Variants in STRBP observed in about 807,000 individuals in gnomAD.
STRBP encodes the protein spermatid perinuclear RNA-binding protein.
STRBP carries 13 observed loss-of-function variants against 80.1 expected under a neutral mutation model. The observed-to-expected ratio is 0.16, with a 90% CI of 0.11 to 0.26. The LOEUF (loss-of-function observed/expected upper bound fraction) is 0.26. Among genes scored for constraint, STRBP ranks in the 10% least tolerant of loss-of-function variants. The probability of loss-of-function intolerance (pLI) is 1.00; values close to 1 mark genes in which losing one functional copy is unlikely to be tolerated. For synonymous variants in STRBP, 284 were observed against 291.2 expected, an observed-to-expected ratio of 0.98 and a Z score of 0.25; for missense variants, 485 against 815.2, an observed-to-expected ratio of 0.59 and a Z score of 4.93.
intron 2 of STRBP, among the ~76,000 whole-genome samples, chr9:123,190,885 T>C (rs757155383): frequency 1.3e-5 from 2 of 152,312 alleles, no homozygotes; most frequent in Middle Eastern, 3.4e-3. Context: ...TGGTGCCTTA[T>C]GTGACAAAAC....
chr9:123,161,120 C>A (rs776837078), intron 6 of STRBP, 52 bp from the exon 7 acceptor site: 2 of 1,259,856 alleles, frequency 1.6e-6, no homozygotes, highest in South Asian at 2.7e-5. Flanking sequence ...CCAAGCGATT[C>A]CTATCAAATT....
At chr9:123,219,802 G>C (rs1355216974) in intron 2 of STRBP, among the ~76,000 whole-genome samples, 6 of 152,178 alleles carry the variant, frequency 3.9e-5, no homozygotes, top group African/African-American at 1.2e-4. Context: ...GTATTTCACA[G>C]AGTTGCTACA....
At chr9:123,141,579 A>G (rs1013674037) in intron 13 of STRBP, among the ~76,000 whole-genome samples, 1 of 152,220 alleles carries the variant, frequency 6.6e-6, no homozygotes, top group Admixed American at 6.5e-5. Flanking sequence ...AACATCACAA[A>G]TAAGTTTGAT....
chr9:123,198,520 G>A (rs74322321), intron 2 of STRBP, among the ~76,000 whole-genome samples: 2,410 of 152,158 alleles, frequency 0.016, 35 homozygotes, highest in South Asian at 0.068. Flanking sequence ...GGTTGGACGC[G>A]TAGTTTGAAA....
At chr9:123,254,475 A>G (rs1004614609) in intron 1 of STRBP, among the ~76,000 whole-genome samples, 1 of 146,694 alleles carries the variant, frequency 6.8e-6, no homozygotes, top group South Asian at 2.1e-4. Flanking sequence ...AAAAAAAAAA[A>G]AAAAGAAAGA....
At chr9:123,185,639 T>C (rs1480349053) in intron 2 of STRBP, among the ~76,000 whole-genome samples, 1 of 152,112 alleles carries the variant, frequency 6.6e-6, no homozygotes, top group African/African-American at 2.4e-5. Context: ...ATAAATACCT[T>C]ACTATATAAC....
chr9:123,229,475 G>T (rs931137705), intron 2 of STRBP, among the ~76,000 whole-genome samples: 23 of 152,192 alleles, frequency 1.5e-4, no homozygotes, highest in Admixed American at 6.5e-5. Context: ...ATCAAAGTGG[G>T]ATCAAGTATT....
intron 2 of STRBP, among the ~76,000 whole-genome samples, chr9:123,206,714 T>C (rs184586160): frequency 4.6e-5 from 7 of 152,176 alleles, no homozygotes; most frequent in Admixed American, 4.6e-4. Flanking sequence ...TCTCGGCTCA[T>C]CACAACCTCC....
Position 123,124,520 on chromosome 9 carries a change from A to T in STRBP, c.*1077T>A. ...ACTTTTCACAGCAGCACTCAACAAG[A>T]ACTGGGACAATCGAAGAGCAAGTTT... On this transcript the variant is annotated 3_prime_UTR_variant, in exon 19 of 19. Transcript: ENST00000348403. The T allele has an allele frequency of 2.0e-6, 2 of 985,404 alleles. No homozygotes were observed. Among genetic ancestry groups the T allele is most frequent in the Non-Finnish European group, 2.4e-6 (2 of 829,936 alleles). The allele number at this position is 985,404 out of a possible 1,614,324, so 61.0% of individuals were successfully genotyped here. A position where few individuals can be genotyped will look rare whatever the true frequency, so the allele number is the denominator to read the frequency against.
rs115706569 is a variant in STRBP at position 123,240,280 on chromosome 9, C to T, written c.-301-3314G>A. Among the ~76,000 whole-genome samples, 1,223 of 137,466 alleles carry T rather than the reference C, an allele frequency of 8.9e-3. 21 individuals are homozygous for T. Among genetic ancestry groups the T allele is most frequent in the African/African-American group, 0.04 (1,180 of 29,744 alleles). 90.2% of individuals were successfully genotyped at this position (137,466 alleles called of 152,430 possible). ...CAACCACTTAATATACTGTATGATG[C>T]TTTCTTCATGAAACCATTATATTAT... is the stretch of plus-strand genomic sequence containing the variant. On this transcript the variant is annotated intron_variant, in intron 1 of 18. Coordinates refer to ENST00000348403, the MANE Select transcript of STRBP (RefSeq NM_018387.5).
intron 6 of STRBP, among the ~76,000 whole-genome samples, chr9:123,169,123 T>C (rs1053041768): frequency 2.4e-4 from 37 of 151,978 alleles, no homozygotes; most frequent in African/African-American, 8.2e-4. Context: ...ACAAATCTTA[T>C]GAGATTATAC....
Position 123,112,191 on chromosome 9 carries a change from A to T in STRBP, c.*85-2438T>A, listed in dbSNP as rs534348970. 167 of 166,920 alleles carry T rather than the reference A, an allele frequency of 1.0e-3. 1 individual carries two copies. Among genetic ancestry groups the T allele is most frequent in the Non-Finnish European group, 1.6e-3 (106 of 68,384 alleles). 10.3% of individuals were successfully genotyped at this position (166,920 alleles called of 1,614,324 possible). A position where few individuals can be genotyped will look rare whatever the true frequency, so the allele number is the denominator to read the frequency against. ...GCCCCGTGAAAGGGAGTCACAGTGC[A>T]GCGCTGCCGGCCTGTGGCTGGTCCC... On this transcript the variant is annotated intron_variant and NMD_transcript_variant, in intron 3 of 3. Transcript: ENST00000471564.
chr9:123,233,226 C>T (rs1192034504), intron 2 of STRBP, among the ~76,000 whole-genome samples: 1 of 152,160 alleles, frequency 6.6e-6, no homozygotes, highest in Non-Finnish European at 1.5e-5. Context: ...GCGCATACCA[C>T]CACATCTGGC....
intron 2 of STRBP, among the ~76,000 whole-genome samples, chr9:123,190,328 T>C (rs887257324): frequency 2.0e-4 from 29 of 148,508 alleles, no homozygotes; most frequent in African/African-American, 7.0e-4. Context: ...TAAGAGCAAA[T>C]ACATATAAAT....
chr9:123,183,522 G>T (rs1470289330), intron 3 of STRBP, among the ~76,000 whole-genome samples: 5 of 151,278 alleles, frequency 3.3e-5, no homozygotes, highest in African/African-American at 4.9e-5. Flanking sequence ...AATACTAAGG[G>T]AAAAAAAATC....
At chr9:123,182,490 A>G (rs1242839825) in intron 3 of STRBP, among the ~76,000 whole-genome samples, 1 of 152,214 alleles carries the variant, frequency 6.6e-6, no homozygotes, top group Non-Finnish European at 1.5e-5. Flanking sequence ...TCAAGACTAT[A>G]AGAAATGAGC....
chr9:123,183,691 A>G (rs921603587), intron 3 of STRBP, among the ~76,000 whole-genome samples: 1 of 152,188 alleles, frequency 6.6e-6, no homozygotes, highest in African/African-American at 2.4e-5. Flanking sequence ...ATTATTTTAA[A>G]AGTATGAAAA....
intron 2 of STRBP, among the ~76,000 whole-genome samples, chr9:123,202,933 C>A (rs1329106678): frequency 6.6e-6 from 1 of 152,180 alleles, no homozygotes; most frequent in Non-Finnish European, 1.5e-5. Context: ...CCAACCTGGT[C>A]AGAGCAACCA....
In STRBP at chr9:123,191,418, C is replaced by T. The variant is rs118019323; in HGVS notation, c.-164-7120G>A. Among the ~76,000 whole-genome samples the T allele has an allele frequency of 8.6e-3, 1,300 of 150,888 alleles. 36 individuals are homozygous for T. Among genetic ancestry groups the T allele is most frequent in the East Asian group, 0.072 (372 of 5,136 alleles). On this transcript the variant is annotated intron_variant, in intron 2 of 18. Coordinates refer to ENST00000348403, the MANE Select transcript of STRBP (RefSeq NM_018387.5). ...AGTGAGGTGGGGGAGAGAGGAGGGCCGAGAGGACAGAAAGGTGGGGGTGAG... is the reference window on the plus strand; with the variant it reads ...AGTGAGGTGGGGGAGAGAGGAGGGCTGAGAGGACAGAAAGGTGGGGGTGAG...
Sources: allele counts gnomAD v4.1 joint callset (sites outside exome capture counted in the v4.1 genomes callset), GRCh38; gene constraint gnomAD v4.1.1; transcripts MANE v1.5; gene names NCBI Gene and HGNC (gene_info 2026-07-23, HGNC 2026-07-21).